The following PNKD variants were observed in gnomAD, a reference collection of about 807,000 sequenced individuals.
PNKD encodes the protein PNKD metallo-beta-lactamase domain containing, also known as probable thioesterase PNKD.
Under a neutral mutation model 45.3 loss-of-function variants are expected in PNKD, and 36 were observed. That is an observed-to-expected ratio of 0.80 (90% CI 0.61 to 1.05). The LOEUF is 1.05. Ranked by LOEUF, PNKD falls within the 50% of genes least tolerant of loss-of-function variation. PNKD has a pLI of 0.00. For missense variants in PNKD, 511 were observed against 506.6 expected (o/e 1.01, Z -0.08); for synonymous variants, 197 against 210.1 (o/e 0.94, Z 0.54).
intron 2 of PNKD, among the ~76,000 whole-genome samples, chr2:218,330,276 C>T (rs1396589806): frequency 3.9e-5 from 6 of 152,178 alleles, no homozygotes; most frequent in African/African-American, 1.4e-4. Flanking sequence ...GCTTGAAAAC[C>T]TTCAGGCTTC....
chr2:218,315,769 T>G (rs1210057599), intron 2 of PNKD, among the ~76,000 whole-genome samples: 2 of 152,256 alleles, frequency 1.3e-5, no homozygotes, highest in Non-Finnish European at 2.9e-5. Flanking sequence ...TCTAAATTGC[T>G]CTTTTGTAAA....
chr2:218,293,667 C>T (rs746121100), intron 2 of PNKD, among the ~76,000 whole-genome samples: 16 of 146,648 alleles, frequency 1.1e-4, no homozygotes, highest in Non-Finnish European at 2.4e-4. Context: ...CTCACTGCAT[C>T]CTCCTCCTGG....
intron 2 of PNKD, among the ~76,000 whole-genome samples, chr2:218,298,834 C>G (rs1013936273): frequency 6.6e-6 from 1 of 152,178 alleles, no homozygotes; most frequent in African/African-American, 2.4e-5. Context: ...CTCTTGCCCC[C>G]CACCTAGGAA....
chr2:218,301,218 C>G (rs1274427337), intron 2 of PNKD, among the ~76,000 whole-genome samples: 3 of 152,096 alleles, frequency 2.0e-5, no homozygotes, highest in African/African-American at 7.2e-5. Flanking sequence ...ATTTTATGTG[C>G]TCAGTGGCAA....
chr2:218,324,077 T>A (rs534955480), intron 2 of PNKD, among the ~76,000 whole-genome samples: 2 of 152,312 alleles, frequency 1.3e-5, no homozygotes, highest in East Asian at 1.9e-4. Context: ...CAGTGATTTG[T>A]CTCCGTCGAC....
intron 2 of PNKD, among the ~76,000 whole-genome samples, chr2:218,293,140 C>G (rs1316556378): frequency 6.6e-6 from 1 of 152,196 alleles, no homozygotes; most frequent in African/African-American, 2.4e-5. Flanking sequence ...TTTATAATTA[C>G]TCAACCAGGA....
chr2:218,293,900 A>G (rs1693068348), intron 2 of PNKD, among the ~76,000 whole-genome samples: 1 of 143,112 alleles, frequency 7.0e-6, no homozygotes, highest in Non-Finnish European at 1.5e-5. Context: ...GACATGAGCC[A>G]CCACGTCCAG....
rs775554169 is a variant in PNKD at position 218,277,413 on chromosome 2, T to C, written c.236+5864T>C. 17 of 1,614,082 alleles carry C rather than the reference T, an allele frequency of 1.1e-5. No individual in the cohort carries two copies. The highest frequency in any genetic ancestry group is 1.4e-5 in the Non-Finnish European group (16 of 1,180,024). Reference sequence around the variant, plus strand: ...GTGACTGAAATGGATACCACCGCAGTGATGATCATTGCAATGATGACGGCT... The same window carrying C: ...GTGACTGAAATGGATACCACCGCAGCGATGATCATTGCAATGATGACGGCT... On this transcript the variant is annotated intron_variant, in intron 2 of 9. Transcript: ENST00000273077.
At position 218,281,569 on chromosome 2, in the gene PNKD, C is replaced by T. The variant is rs137897661; in HGVS notation, c.236+10020C>T. On this transcript the variant is annotated intron_variant, in intron 2 of 9. Transcript: ENST00000273077. Reference sequence around the variant, plus strand: ...AGTGGTTCAGGTTCCCAAAGGAGTTCCTAAGGAAGTCGACAGGTCTGGGAG... The same window carrying T: ...AGTGGTTCAGGTTCCCAAAGGAGTTTCTAAGGAAGTCGACAGGTCTGGGAG... Among the ~76,000 whole-genome samples, 62 of 152,338 alleles carry T rather than the reference C, an allele frequency of 4.1e-4. 2 individuals are homozygous for T. In the South Asian group the frequency reaches 7.2e-3, roughly 18 times the overall value.
Position 218,345,194 on chromosome 2 carries a change from C to T in PNKD, c.*213C>T, listed in dbSNP as rs1170631173. The T allele has an allele frequency of 3.4e-6, 2 of 580,702 alleles. No homozygotes were observed. Among genetic ancestry groups the T allele is most frequent in the East Asian group, 2.8e-5 (1 of 35,208 alleles). 36.0% of individuals were successfully genotyped at this position (580,702 alleles called of 1,614,324 possible). ...GTTGGAGGCTGGGAACCCCGCAGCG[C>T]GAGGCTGCCTCATCAACGGCAAGAG... On this transcript the variant is annotated 3_prime_UTR_variant, in exon 10 of 10. Transcript: ENST00000273077.
intron 2 of PNKD, among the ~76,000 whole-genome samples, chr2:218,303,927 C>T (rs1262019757): frequency 6.6e-6 from 1 of 152,026 alleles, no homozygotes; most frequent in Non-Finnish European, 1.5e-5. Context: ...TCTCCACATC[C>T]CCCTCCGTCT....
chr2:218,281,334 G>A (rs1691966714), intron 2 of PNKD, among the ~76,000 whole-genome samples: 1 of 150,758 alleles, frequency 6.6e-6, no homozygotes, highest in Admixed American at 6.6e-5. Context: ...ATGGGGTTTT[G>A]CCATGTTGGC....
At chr2:218,296,528 C>T (rs571695738) in intron 2 of PNKD, among the ~76,000 whole-genome samples, 1 of 152,144 alleles carries the variant, frequency 6.6e-6, no homozygotes, top group Non-Finnish European at 1.5e-5. Flanking sequence ...CTGTTGCCAC[C>T]CTCCAGCCCA....
chr2:218,282,984 C>T (rs1248370845), intron 2 of PNKD, among the ~76,000 whole-genome samples: 1 of 152,138 alleles, frequency 6.6e-6, no homozygotes, highest in Non-Finnish European at 1.5e-5. Context: ...GTGCACGGCC[C>T]CTCGCCCTCC....
At chr2:218,304,337 T>A (rs963217384) in intron 2 of PNKD, among the ~76,000 whole-genome samples, 1 of 151,930 alleles carries the variant, frequency 6.6e-6, no homozygotes, top group African/African-American at 2.4e-5. Flanking sequence ...AGAGACAGGG[T>A]TTCACCATGT....
chr2:218,275,331 C>T, intron 2 of PNKD: 3 of 1,135,290 alleles, frequency 2.6e-6, no homozygotes, highest in Non-Finnish European at 3.6e-6. Context: ...CCAGAGAGGC[C>T]ACCTGTCTCC....
At chr2:218,272,677 A>T (rs764613531) in intron 2 of PNKD, 1 of 1,614,130 alleles carries the variant, frequency 6.2e-7, no homozygotes, top group Admixed American at 1.7e-5. Flanking sequence ...CGGTTGTCCA[A>T]CACGGGCGAG....
rs1346470317 is a variant in PNKD at position 218,326,020 on chromosome 2, T to G, written c.237-13763T>G. ...TTTGCAGGAAACTGTAGGGGGGAAA[T>G]GGGCAGGTGTTGGTGCTAGGGGTGC... On this transcript the variant is annotated intron_variant, in intron 2 of 9. Transcript: ENST00000273077. The surrounding 1 kb of genome is among the most constrained non-coding windows in gnomAD (Gnocchi z 4.1). 9.2e-6 allele frequency among the ~76,000 whole-genome samples: 1 copy of G among 108,532 alleles called. No individual in the cohort carries two copies. The highest frequency in any genetic ancestry group is 2.5e-4 in the East Asian group (1 of 4,042). 71.2% of individuals were successfully genotyped at this position (108,532 alleles called of 152,430 possible).
chr2:218,345,083 C>A lies in PNKD; in HGVS notation c.*102C>A, dbSNP rs915253702. 1.1e-6 allele frequency: 1 copy of A among 888,520 alleles called. No individual in the cohort carries two copies. The highest frequency in any genetic ancestry group is 2.5e-5 in the Admixed American group (1 of 39,248). The allele number at this position is 888,520 out of a possible 1,614,324, so 55.0% of individuals were successfully genotyped here. A position where few individuals can be genotyped will look rare whatever the true frequency, so the allele number is the denominator to read the frequency against. On this transcript the variant is annotated 3_prime_UTR_variant, in exon 10 of 10. Transcript: ENST00000273077. Reference sequence around the variant, plus strand: ...TCGCTAACACCACCACCTCCATCGGCACCCAAGCGGGCATCATCCCCCCAC... The same window carrying A: ...TCGCTAACACCACCACCTCCATCGGAACCCAAGCGGGCATCATCCCCCCAC...
Sources: allele counts gnomAD v4.1 joint callset (sites outside exome capture counted in the v4.1 genomes callset), GRCh38; gene constraint gnomAD v4.1.1; non-coding constraint Gnocchi (gnomAD v3.1); transcripts MANE v1.5; gene names NCBI Gene and HGNC (gene_info 2026-07-23, HGNC 2026-07-21).